Variants in CRADD observed in about 807,000 individuals in gnomAD.
The protein encoded by CRADD is CARD and death domain containing adaptor protein.
Under a neutral mutation model 15.5 loss-of-function variants are expected in CRADD, and 9 were observed. The observed-to-expected ratio is 0.58, with a 90% CI of 0.35 to 1.01. The LOEUF (loss-of-function observed/expected upper bound fraction) is 1.01, where lower values mean the gene tolerates loss of function less well. CRADD is among the 50% of genes least tolerant of loss of function. CRADD has a pLI of 0.02. For synonymous variants in CRADD, 118 were observed against 107.6 expected, an observed-to-expected ratio of 1.10 and a Z score of -0.60; for missense variants, 227 against 250.3, an observed-to-expected ratio of 0.91 and a Z score of 0.63.
rs1436816308 is a variant in CRADD, at chr12:93,736,471, G to A, written c.298+57399G>A. ...TCAACTAGCCCCAACTTTTCCTCTA[G>A]TTATTTCTTTTATTAGATTTATTCT... On this transcript the variant is annotated intron_variant, in intron 2 of 2. Coordinates refer to ENST00000332896, the MANE Select transcript of CRADD (RefSeq NM_003805.5). Among the ~76,000 whole-genome samples, 3 of 152,082 alleles carry A rather than the reference G, an allele frequency of 2.0e-5. No individual in the cohort carries two copies. In the East Asian group the frequency reaches 5.8e-4, roughly 29 times the overall value.
At chr12:93,848,122 T>C (rs1320922587) in intron 2 of CRADD, among the ~76,000 whole-genome samples, 2 of 152,100 alleles carry the variant, frequency 1.3e-5, no homozygotes, top group Non-Finnish European at 2.9e-5. Flanking sequence ...ATGATTTCTT[T>C]TCTTCTTTGC....
At chr12:93,695,883 CAA>C (rs1342048568) in intron 2 of CRADD, among the ~76,000 whole-genome samples, 2 of 152,052 alleles carry the variant, frequency 1.3e-5, no homozygotes, top group African/African-American at 4.8e-5. Flanking sequence ...GCCTTGGTAA[CAA>C]GAGCAAAACT....
chr12:93,856,684 A>G (rs1958277721), intron 2 of CRADD, among the ~76,000 whole-genome samples: 1 of 152,242 alleles, frequency 6.6e-6, no homozygotes, highest in African/African-American at 2.4e-5. Context: ...TCTCAGAGCA[A>G]TTTAGAAACT....
Position 93,692,083 on chromosome 12 carries a change from T to G in CRADD, c.298+13011T>G, listed in dbSNP as rs574321836. 2.0e-5 allele frequency among the ~76,000 whole-genome samples: 3 copies of G among 152,028 alleles called. No homozygotes were observed. In the South Asian group the frequency reaches 6.2e-4, roughly 32 times the overall value. On this transcript the variant is annotated intron_variant, in intron 2 of 2. Transcript: ENST00000332896. ...TAAATTCTGGAGCCGAAATAAAAATTAATGGACTGAAAAATGCAATAGAGA... is the reference window on the plus strand; with the variant it reads ...TAAATTCTGGAGCCGAAATAAAAATGAATGGACTGAAAAATGCAATAGAGA...
intron 2 of CRADD, among the ~76,000 whole-genome samples, chr12:93,835,069 A>G (rs912912921): frequency 1.1e-4 from 16 of 152,150 alleles, no homozygotes; most frequent in African/African-American, 3.9e-4. Flanking sequence ...TGGCCCCCCC[A>G]TTGGTATGCA....
intron 2 of CRADD, among the ~76,000 whole-genome samples, chr12:93,686,299 C>G (rs1955435600): frequency 1.4e-5 from 1 of 70,708 alleles, no homozygotes; most frequent in Non-Finnish European, 3.3e-5. Flanking sequence ...AGACTCCATC[C>G]CCCCCAAAAA....
At chr12:93,740,203 A>T (rs918751554) in intron 2 of CRADD, among the ~76,000 whole-genome samples, 19 of 152,184 alleles carry the variant, frequency 1.2e-4, no homozygotes, top group African/African-American at 4.6e-4. Context: ...GAATTTTAAA[A>T]TAGAAAAAAA....
At chr12:93,812,735 G>C (rs1434258620) in intron 2 of CRADD, among the ~76,000 whole-genome samples, 1 of 152,212 alleles carries the variant, frequency 6.6e-6, no homozygotes, top group Non-Finnish European at 1.5e-5. Flanking sequence ...TGCAAAGTTA[G>C]TAATAGTTTG....
chr12:93,851,506 G>A (rs867933064), downstream of CRADD, among the ~76,000 whole-genome samples: 1 of 152,224 alleles, frequency 6.6e-6, no homozygotes, highest in Non-Finnish European at 1.5e-5. Context: ...GATGATTAAA[G>A]CAATAATGTC....
At chr12:93,734,007 G>C (rs113145206) in intron 2 of CRADD, among the ~76,000 whole-genome samples, 1 of 152,248 alleles carries the variant, frequency 6.6e-6, no homozygotes, top group African/African-American at 2.4e-5. Context: ...AAGGTGCTCG[G>C]ATTACAGGCG....
intron 2 of CRADD, among the ~76,000 whole-genome samples, chr12:93,716,447 C>CA (rs1956164719): frequency 6.6e-6 from 1 of 152,098 alleles, no homozygotes; most frequent in South Asian, 2.1e-4. Context: ...TGGGTTGGGA[C>CA]AAATATATAA....
At chr12:93,877,136 C>CTTG (rs1004301916) in intron 2 of CRADD, among the ~76,000 whole-genome samples, 2 of 152,222 alleles carry the variant, frequency 1.3e-5, no homozygotes, top group African/African-American at 2.4e-5. Flanking sequence ...GGCAGAGACT[C>CTTG]TTGTTCTCTT....
At chr12:93,761,436 A>T (rs1956960907) in intron 2 of CRADD, among the ~76,000 whole-genome samples, 1 of 152,176 alleles carries the variant, frequency 6.6e-6, no homozygotes, top group South Asian at 2.1e-4. Flanking sequence ...AGAAGTGGTC[A>T]CTTTCAGGAA....
rs748534248 is a variant in CRADD, at chr12:93,678,911, C to G, written c.137C>G (p.Ala46Gly). 6.2e-7 allele frequency: 1 copy of G among 1,614,192 alleles called. No homozygotes were observed. The highest frequency in any genetic ancestry group is 8.5e-7 in the Non-Finnish European group (1 of 1,180,030). ...GAAAACCATATTCAAGAAATCAATG[C>G]TCAAACCACAGGCCTCCGGAAAACA... ...LTENHIQEIN[A>G]QTTGLRKTML... is the part of the protein sequence containing the mutation. Residue 46 changes from alanine (A) to glycine (G), a missense_variant, in exon 2 of 3, where the codon GCT (alanine) becomes GGT (glycine). Ala to Gly is a moderately conservative substitution (Grantham distance 60). Coordinates refer to ENST00000332896, the MANE Select transcript of CRADD (RefSeq NM_003805.5).
intron 2 of CRADD, among the ~76,000 whole-genome samples, chr12:93,806,351 C>T (rs1424210211): frequency 6.8e-6 from 1 of 146,804 alleles, no homozygotes; most frequent in Non-Finnish European, 1.5e-5. Context: ...ACTCAGGAGG[C>T]TGAGGCAGGA....
At chr12:93,778,543 T>G (rs1453382996) in intron 2 of CRADD, among the ~76,000 whole-genome samples, 1 of 152,236 alleles carries the variant, frequency 6.6e-6, no homozygotes, top group Non-Finnish European at 1.5e-5. Context: ...AACTTTGGTA[T>G]GCTTAGCTGA....
chr12:93,799,563 A>G (rs1241537561), intron 2 of CRADD, among the ~76,000 whole-genome samples: 1 of 152,240 alleles, frequency 6.6e-6, no homozygotes, highest in Non-Finnish European at 1.5e-5. Context: ...TTTCTTTTGC[A>G]GTGGAAATGT....
rs3029435 is a variant in CRADD at position 93,829,689 on chromosome 12, TTTG to T, written c.299-20263_299-20261del. Among the ~76,000 whole-genome samples the T allele has an allele frequency of 3.0e-4, 45 of 151,602 alleles. 1 individual carries two copies. The East Asian group carries it at 8.3e-3, about 28-fold the overall frequency. Reference sequence around the variant, plus strand: ...CATCAGCTCCCTAAAGTTTTGGTTTTTTGTTGTTGTTGTTGTTGTTTGAGATGG... The same window carrying T: ...CATCAGCTCCCTAAAGTTTTGGTTTTTTGTTGTTGTTGTTGTTTGAGATGG... On this transcript the variant is annotated intron_variant, in intron 2 of 2. Coordinates refer to ENST00000332896, the MANE Select transcript of CRADD (RefSeq NM_003805.5).
chr12:93,708,334 T>C (rs1360025560), intron 2 of CRADD: 1 of 152,232 alleles, frequency 6.6e-6, no homozygotes, highest in Non-Finnish European at 1.5e-5. Context: ...GGAAAGGCTG[T>C]AGGGACTTTC....
Sources: allele counts gnomAD v4.1 joint callset (sites outside exome capture counted in the v4.1 genomes callset), GRCh38; gene constraint gnomAD v4.1.1; transcripts MANE v1.5; gene names NCBI Gene and HGNC (gene_info 2026-07-23, HGNC 2026-07-21).